The following GSE1 variants were observed in gnomAD, a reference collection of about 807,000 sequenced individuals.
GSE1 encodes Gse1 coiled-coil protein.
Under a neutral mutation model 112.6 loss-of-function variants are expected in GSE1, and 32 were observed. The observed-to-expected ratio is 0.28, with a 90% confidence interval of 0.21 to 0.38. GSE1 has a LOEUF of 0.38. Among genes scored for constraint, GSE1 ranks in the 10% least tolerant of loss-of-function variants. The probability of loss-of-function intolerance (pLI) is 1.00; values close to 1 mark genes in which losing one functional copy is unlikely to be tolerated. For missense variants in GSE1, 2,348 were observed against 1,699.2 expected (o/e 1.38, Z -6.71); for synonymous variants, 1,115 against 735.6 (o/e 1.52, Z -8.35).
chr16:85,465,138 G>T (rs1251245167), intron 2 of GSE1, among the ~76,000 whole-genome samples: 1 of 152,234 alleles, frequency 6.6e-6, no homozygotes, highest in African/African-American at 2.4e-5. Context: ...GAAAGATCCG[G>T]TCACTCCGAT....
At chr16:85,272,296 G>T (rs1398344637) in intron 1 of GSE1, among the ~76,000 whole-genome samples, 1 of 152,220 alleles carries the variant, frequency 6.6e-6, no homozygotes, top group Non-Finnish European at 1.5e-5. Context: ...GTTTTTCCAT[G>T]TCTGAAGGAG....
rs746890447 is a variant in GSE1 at position 85,672,347 on chromosome 16, C to A, written c.3520-58C>A. 33 of 1,367,890 alleles carry A rather than the reference C, an allele frequency of 2.4e-5. No homozygotes were observed. In the South Asian group the frequency reaches 4.0e-4, roughly 16 times the overall value. 84.7% of individuals were successfully genotyped at this position (1,367,890 alleles called of 1,614,324 possible). ...TTCCATCCAGCATGTTTGTACTCTACATGCTTGTCCTTACAGAGGAAACGG... is the reference window on the plus strand; with the variant it reads ...TTCCATCCAGCATGTTTGTACTCTAAATGCTTGTCCTTACAGAGGAAACGG... On this transcript the variant is annotated intron_variant, in intron 15 of 15. Coordinates refer to ENST00000253458, the MANE Select transcript of GSE1 (RefSeq NM_014615.5).
At chr16:85,422,146 G>C (rs953287983) in intron 2 of GSE1, among the ~76,000 whole-genome samples, 2 of 151,844 alleles carry the variant, frequency 1.3e-5, no homozygotes, top group Admixed American at 1.3e-4. Flanking sequence ...GGTCATCCTC[G>C]CACCCCACCT....
intron 1 of GSE1, among the ~76,000 whole-genome samples, chr16:85,296,407 T>C (rs1323708876): frequency 3.3e-5 from 5 of 151,990 alleles, no homozygotes. Flanking sequence ...GAGTTCAAGA[T>C]CAGCCTGGGC....
chr16:85,541,751 G>T (rs1415327439), intron 2 of GSE1, among the ~76,000 whole-genome samples: 3 of 152,208 alleles, frequency 2.0e-5, no homozygotes, highest in Non-Finnish European at 4.4e-5. Flanking sequence ...GGGGGAAGGG[G>T]CCCTGCATGG....
intron 1 of GSE1, among the ~76,000 whole-genome samples, chr16:85,239,569 T>G (rs1021469892): frequency 1.3e-5 from 2 of 152,174 alleles, no homozygotes; most frequent in African/African-American, 4.8e-5. Context: ...CTACCATGCC[T>G]TCAGGACTAA....
Position 85,565,405 on chromosome 16 carries a change from AC to A in GSE1, c.37+9043del, listed in dbSNP as rs200770193. On this transcript the variant is annotated intron_variant, in intron 1 of 2. Transcript: ENST00000635906. ...GTGAGACTCTGTCTCAAAAAAAAAA[AC>A]AAAAAAAAACAAAAAAACCACCAAC... 5.0e-4 allele frequency among the ~76,000 whole-genome samples: 76 copies of A among 150,520 alleles called. 2 individuals are homozygous for A. The highest frequency in any genetic ancestry group is 1.8e-3 in the African/African-American group (74 of 40,390).
At chr16:85,196,471 G>C (rs576289032) in intron 1 of GSE1, among the ~76,000 whole-genome samples, 35 of 152,280 alleles carry the variant, frequency 2.3e-4, no homozygotes, top group African/African-American at 7.7e-4. Flanking sequence ...CACAATGAGT[G>C]TGTGTGACTT....
intron 1 of GSE1, among the ~76,000 whole-genome samples, chr16:85,182,548 G>A (rs2074611154): frequency 6.6e-6 from 1 of 152,200 alleles, no homozygotes; most frequent in African/African-American, 2.4e-5. Context: ...TCAGTGCAGG[G>A]TCTGGTTTTC....
At chr16:85,610,851 G>A (rs1318786052), upstream of GSE1, among the ~76,000 whole-genome samples, 1 of 152,206 alleles carries the variant, frequency 6.6e-6, no homozygotes. Flanking sequence ...TGTGAAACGG[G>A]ACCAGACCAC....
At chr16:85,334,004 G>A (rs760119022) in intron 1 of GSE1, among the ~76,000 whole-genome samples, 6 of 152,170 alleles carry the variant, frequency 3.9e-5, no homozygotes, top group Non-Finnish European at 7.3e-5. Flanking sequence ...CGTCAGCCTC[G>A]GGATCAACAC....
In GSE1 at chr16:85,661,497, C is replaced by T. The variant is rs758871886; in HGVS notation, c.1992C>T (p.His664=). Residue 664 remains histidine (H), a synonymous_variant, in exon 9 of 16, where the codon CAC becomes CAT. Coordinates refer to ENST00000253458, the MANE Select transcript of GSE1 (RefSeq NM_014615.5). ...CACGAGAGGGAGGGAGCCTGGAGCA[C>T]CAGCCCTTCCTGCCCGGGCCCGGGC... The part of the protein sequence containing the change: ...PPPREGGSLE[H]QPFLPGPGPF... The T allele has an allele frequency of 7.2e-5, 116 of 1,611,888 alleles. No homozygotes were observed. The highest frequency in any genetic ancestry group is 8.9e-5 in the Non-Finnish European group (105 of 1,179,608).
At chr16:85,519,733 ATCACCACCATCAGCATCAC>A (rs1424262429) in intron 2 of GSE1, among the ~76,000 whole-genome samples, 1 of 75,440 alleles carries the variant, frequency 1.3e-5, no homozygotes, top group African/African-American at 5.2e-5. Context: ...CACCATCACC[ATCACCACCATCAGCATCAC>A]CATCACCACC....
At chr16:85,555,675 G>GC (rs1244292810), upstream of GSE1, 1,103 of 344,712 alleles carry the variant, frequency 3.2e-3, 9 homozygotes, top group African/African-American at 0.04. Context: ...CCCTCCCGCC[G>GC]CCCCCCCCTT....
At position 85,573,019 on chromosome 16, in the gene GSE1, G is replaced by A. The variant is rs1309382115; in HGVS notation, c.37+16656G>A. On this transcript the variant is annotated intron_variant, in intron 1 of 2. Coordinates refer to the GSE1 transcript ENST00000635906. ...TGAGTAGCTGGGATTAGAGGCGCAC[G>A]CCACCACACCTAGCTAATTTTTGTA... Among the ~76,000 whole-genome samples, 5 of 152,126 alleles carry A rather than the reference G, an allele frequency of 3.3e-5. No homozygotes were observed. The South Asian group carries it at 6.2e-4, about 19-fold the overall frequency.
At chr16:85,291,386 C>T (rs1031482092) in intron 1 of GSE1, among the ~76,000 whole-genome samples, 2 of 152,306 alleles carry the variant, frequency 1.3e-5, no homozygotes, top group African/African-American at 4.8e-5. Flanking sequence ...GGATTTTTTC[C>T]TTCCTGAATC....
rs34549947 is a variant in GSE1, at chr16:85,623,215, CTT to C, written c.7+9833_7+9834del. On this transcript the variant is annotated intron_variant, in intron 1 of 15. Coordinates refer to ENST00000253458, the MANE Select transcript of GSE1 (RefSeq NM_014615.5). ...TAAAAGGCTGGCCCCTTGTCCACTC[CTT>C]TTTTTTTTTTTTTTTGAGACAGGGT... Among the ~76,000 whole-genome samples the C allele has an allele frequency of 1.7e-3, 243 of 139,756 alleles. 3 individuals carry two copies. Among genetic ancestry groups the C allele is most frequent in the African/African-American group, 4.6e-3 (175 of 38,124 alleles). 91.7% of individuals were successfully genotyped at this position (139,756 alleles called of 152,430 possible).
chr16:85,255,099 G>GGCA (rs1298732079), intron 1 of GSE1, among the ~76,000 whole-genome samples: 1 of 152,198 alleles, frequency 6.6e-6, no homozygotes, highest in East Asian at 1.9e-4. Flanking sequence ...CGGCGGCGGC[G>GGCA]GTCGCTGTTG....
chr16:85,174,503 C>T (rs1189129791), intron 1 of GSE1, among the ~76,000 whole-genome samples: 1 of 152,250 alleles, frequency 6.6e-6, no homozygotes, highest in Non-Finnish European at 1.5e-5. Flanking sequence ...GCCGGAAATG[C>T]AGCCTTCTGG....
Sources: gnomAD v4.1 joint callset for allele counts (sites outside exome capture counted in the v4.1 genomes callset) on GRCh38, gnomAD v4.1.1 for gene constraint, MANE v1.5 for transcripts, NCBI Gene and HGNC (gene_info 2026-07-23, HGNC 2026-07-21) for gene names.